Variants in PPM1E observed in about 807,000 individuals in gnomAD.
PPM1E encodes the protein protein phosphatase 1E.
A neutral mutation model predicts 65.9 loss-of-function variants in PPM1E; 20 were observed. The ratio of observed to expected loss-of-function variants is 0.30; its 90% CI spans 0.21 to 0.44. PPM1E has a LOEUF of 0.44. PPM1E is among the 20% of genes least tolerant of loss of function. PPM1E has a pLI of 1.00. For missense variants in PPM1E, 713 were observed against 953.1 expected, an observed-to-expected ratio of 0.75 and a Z score of 3.32; for synonymous variants, 352 against 374.9, an observed-to-expected ratio of 0.94 and a Z score of 0.70.
intron 1 of PPM1E, among the ~76,000 whole-genome samples, chr17:58,875,144 A>G (rs1309522885): frequency 6.6e-6 from 1 of 152,202 alleles, no homozygotes; most frequent in African/African-American, 2.4e-5. Context: ...GTAAATTATT[A>G]TAATAAGCCT....
At chr17:58,929,981 T>C (rs970538584) in intron 1 of PPM1E, among the ~76,000 whole-genome samples, 1 of 152,190 alleles carries the variant, frequency 6.6e-6, no homozygotes, top group Admixed American at 6.5e-5. Flanking sequence ...TTATTTTCAA[T>C]ATCAGAAATT....
chr17:58,814,910 C>A (rs1482017026), intron 1 of PPM1E, among the ~76,000 whole-genome samples: 7 of 152,108 alleles, frequency 4.6e-5, no homozygotes, highest in Non-Finnish European at 8.8e-5. Context: ...AATGGTGAAC[C>A]CTTTAGTTGT....
intron 1 of PPM1E, among the ~76,000 whole-genome samples, chr17:58,944,459 A>G (rs1386662063): frequency 6.6e-6 from 1 of 150,638 alleles, no homozygotes; most frequent in Non-Finnish European, 1.5e-5. Flanking sequence ...CCAGAAAGAA[A>G]CCCCCTACCT....
intron 1 of PPM1E, among the ~76,000 whole-genome samples, chr17:58,776,028 AAAAT>A (rs1209265970): frequency 6.6e-6 from 1 of 151,732 alleles, no homozygotes; most frequent in African/African-American, 2.4e-5. Context: ...ATTTAACTTA[AAAAT>A]AAATAAATAA....
chr17:58,923,765 G>A (rs1489843162), intron 1 of PPM1E, among the ~76,000 whole-genome samples: 15 of 146,466 alleles, frequency 1.0e-4, no homozygotes, highest in African/African-American at 3.5e-4. Context: ...AAAAAAAAAA[G>A]TCATTTGGAC....
Position 58,895,147 on chromosome 17 carries a change from G to A in PPM1E, c.465-60502G>A, listed in dbSNP as rs187939170. 5.3e-5 allele frequency among the ~76,000 whole-genome samples: 8 copies of A among 152,150 alleles called. No homozygotes were observed. The East Asian group carries it at 1.5e-3, about 29-fold the overall frequency. On this transcript the variant is annotated intron_variant, in intron 1 of 6. Transcript: ENST00000308249. ...GTTATTATTGTAATTTTGGGGGGTG[G>A]CACCACAAACTGCACCCATATAAGA...
chr17:58,799,600 G>A (rs1022388822), intron 1 of PPM1E, among the ~76,000 whole-genome samples: 3 of 152,098 alleles, frequency 2.0e-5, no homozygotes, highest in African/African-American at 2.4e-5. Flanking sequence ...GCACCGCCAC[G>A]CCTGGCTACA....
chr17:58,916,308 A>G (rs912403454), intron 1 of PPM1E, among the ~76,000 whole-genome samples: 7 of 152,228 alleles, frequency 4.6e-5, no homozygotes, highest in Non-Finnish European at 1.0e-4. Flanking sequence ...GAATAAATAG[A>G]AAGTAATAGG....
At chr17:58,868,568 C>CTTT (rs533820677) in intron 1 of PPM1E, among the ~76,000 whole-genome samples, 17,350 of 127,990 alleles carry the variant, frequency 0.14, 1,461 homozygotes, top group Non-Finnish European at 0.2. Flanking sequence ...AATGTCCAGG[C>CTTT]TTTTTTTTTT....
chr17:58,842,058 T>A (rs2050725122), intron 1 of PPM1E, among the ~76,000 whole-genome samples: 1 of 152,140 alleles, frequency 6.6e-6, no homozygotes. Context: ...GGTAGGCTGG[T>A]CTCAAACTCC....
chr17:58,757,251 A>G lies in PPM1E; in HGVS notation c.464+790A>G, dbSNP rs1295031528. ...GTCAGGCTGTTTTGATTAAATTGCAATTAGGTGCAGTATTTTCAGTCCATT... is the reference window on the plus strand; with the variant it reads ...GTCAGGCTGTTTTGATTAAATTGCAGTTAGGTGCAGTATTTTCAGTCCATT... On this transcript the variant is annotated intron_variant, in intron 1 of 6. Coordinates refer to ENST00000308249, the MANE Select transcript of PPM1E (RefSeq NM_014906.5). Among the ~76,000 whole-genome samples, 4 of 152,308 alleles carry G rather than the reference A, an allele frequency of 2.6e-5. No individual in the cohort carries two copies. The East Asian group carries it at 5.8e-4, about 22-fold the overall frequency.
At chr17:58,776,312 G>A (rs2049993932) in intron 1 of PPM1E, among the ~76,000 whole-genome samples, 1 of 152,110 alleles carries the variant, frequency 6.6e-6, no homozygotes, top group South Asian at 2.1e-4. Context: ...GGATGACAGA[G>A]GAGACCCTGT....
chr17:58,874,011 A>T (rs1164085419), intron 1 of PPM1E, among the ~76,000 whole-genome samples: 1 of 152,216 alleles, frequency 6.6e-6, no homozygotes, highest in Non-Finnish European at 1.5e-5. Flanking sequence ...CAAGGAAGTC[A>T]GCCAACATCG....
At chr17:58,918,454 A>G (rs2051711579) in intron 1 of PPM1E, among the ~76,000 whole-genome samples, 1 of 152,154 alleles carries the variant, frequency 6.6e-6, no homozygotes, top group Non-Finnish European at 1.5e-5. Flanking sequence ...TTGTAATGTT[A>G]ATTTATGATC....
intron 1 of PPM1E, among the ~76,000 whole-genome samples, chr17:58,795,165 T>C (rs1187427598): frequency 6.6e-6 from 1 of 152,162 alleles, no homozygotes; most frequent in East Asian, 1.9e-4. Flanking sequence ...GTGCTGAGAT[T>C]ACAGGCATGA....
chr17:58,925,195 C>G (rs1455488415), intron 1 of PPM1E, among the ~76,000 whole-genome samples: 1 of 152,152 alleles, frequency 6.6e-6, no homozygotes, highest in East Asian at 1.9e-4. Flanking sequence ...CTCCCACCAA[C>G]AGTGTAAAAG....
chr17:58,977,835 TG>T (rs1156818520), intron 6 of PPM1E, among the ~76,000 whole-genome samples: 1 of 152,148 alleles, frequency 6.6e-6, no homozygotes, highest in African/African-American at 2.4e-5. Flanking sequence ...CTCTGCCTCC[TG>T]GGTTCAAACA....
chr17:58,899,375 G>A (rs1036627964), intron 1 of PPM1E: 2 of 161,982 alleles, frequency 1.2e-5, no homozygotes, highest in Non-Finnish European at 2.8e-5. Flanking sequence ...AAGAGGCGCT[G>A]AAGACCTCCC....
At chr17:58,760,810 T>G (rs1173542385) in intron 1 of PPM1E, among the ~76,000 whole-genome samples, 1 of 152,186 alleles carries the variant, frequency 6.6e-6, no homozygotes, top group Non-Finnish European at 1.5e-5. Flanking sequence ...TCAGATTCAG[T>G]AATGCACTAG....
Sources: gnomAD v4.1 joint callset for allele counts (sites outside exome capture counted in the v4.1 genomes callset) on GRCh38, gnomAD v4.1.1 for gene constraint, MANE v1.5 for transcripts, NCBI Gene and HGNC (gene_info 2026-07-23, HGNC 2026-07-21) for gene names.